The following EXOC6B variants were observed in gnomAD, a reference collection of about 807,000 sequenced individuals.
EXOC6B encodes exocyst complex component 6B.
EXOC6B carries 54 observed loss-of-function variants against 113.5 expected under a neutral mutation model. That is an observed-to-expected ratio of 0.48 (90% CI 0.38 to 0.60). The LOEUF (loss-of-function observed/expected upper bound fraction) is 0.60, where lower values mean the gene tolerates loss of function less well. Ranked by LOEUF, EXOC6B falls within the 20% of genes least tolerant of loss-of-function variation. The pLI is 0.00. For missense variants in EXOC6B, 797 were observed against 977.5 expected (o/e 0.82, Z 2.46); for synonymous variants, 357 against 339.0 (o/e 1.05, Z -0.58).
chr2:72,519,539 T>C (rs1701383238), intron 8 of EXOC6B, among the ~76,000 whole-genome samples: 1 of 152,158 alleles, frequency 6.6e-6, no homozygotes. Context: ...AACATGTCCT[T>C]AAGCAGAAAC....
chr2:72,471,941 A>G (rs1007664276), intron 17 of EXOC6B, among the ~76,000 whole-genome samples: 1 of 152,152 alleles, frequency 6.6e-6, no homozygotes, highest in African/African-American at 2.4e-5. Flanking sequence ...AGGGATGTTG[A>G]ATTTTATCAA....
intron 18 of EXOC6B, among the ~76,000 whole-genome samples, chr2:72,406,742 G>C (rs543884533): frequency 6.6e-6 from 1 of 152,136 alleles, no homozygotes; most frequent in African/African-American, 2.4e-5. Context: ...ATGCCCACAA[G>C]AGAAAGCAGG....
At chr2:72,303,410 ATTTC>A (rs1225592951) in intron 20 of EXOC6B, among the ~76,000 whole-genome samples, 31 of 152,068 alleles carry the variant, frequency 2.0e-4, no homozygotes, top group African/African-American at 6.0e-4. Context: ...ATAATCCCAT[ATTTC>A]ATGGAGGTTT....
At chr2:72,497,643 T>C (rs1008191699) in intron 13 of EXOC6B, among the ~76,000 whole-genome samples, 16 of 152,090 alleles carry the variant, frequency 1.1e-4, no homozygotes, top group African/African-American at 3.9e-4. Context: ...TACAGATAAA[T>C]TGGACTAAGT....
chr2:72,401,524 CATATATATATATATATATATGTGTATAT>C (rs1558630320), intron 18 of EXOC6B, among the ~76,000 whole-genome samples: 3 of 29,714 alleles, frequency 1.0e-4, no homozygotes, highest in African/African-American at 7.9e-4. Flanking sequence ...TACATATATA[CATATATATATATATATATATGTGTATAT>C]ATATATATAT....
intron 18 of EXOC6B, among the ~76,000 whole-genome samples, chr2:72,409,295 G>T (rs183291548): frequency 2.0e-5 from 3 of 152,208 alleles, no homozygotes; most frequent in Non-Finnish European, 4.4e-5. Flanking sequence ...CAACCATTGT[G>T]GCAGTCAGTG....
chr2:72,513,137 G>A lies in EXOC6B; in HGVS notation c.1162C>T (p.His388Tyr). ...LSKTIAALRT[H>Y]SSYCSDPNLV... ...CCCTTGGGCTTCTTACATACCGAGT[G>A]GGTACGGAGTGCTGCGATGGTTTTT... The change falls in exon 11 of 22, where the codon CAC (histidine) becomes TAC (tyrosine). Residue 388 changes from histidine to tyrosine, a missense_variant. Physicochemically the swap from His to Tyr is moderately conservative, Grantham distance 83 (BLOSUM62 2). Coordinates refer to ENST00000272427, the MANE Select transcript of EXOC6B (RefSeq NM_015189.3). 6.2e-7 allele frequency: 1 copy of A among 1,612,994 alleles called. No individual in the cohort carries two copies. The highest frequency in any genetic ancestry group is 8.5e-7 in the Non-Finnish European group (1 of 1,179,268).
chr2:72,448,298 T>G (rs1696705577), intron 18 of EXOC6B, among the ~76,000 whole-genome samples: 3 of 152,184 alleles, frequency 2.0e-5, no homozygotes, highest in Non-Finnish European at 2.9e-5. Context: ...CCTCTTCATC[T>G]TTTTGAAGAA....
intron 1 of EXOC6B, among the ~76,000 whole-genome samples, chr2:72,792,360 C>G (rs935425033): frequency 2.0e-5 from 3 of 152,128 alleles, no homozygotes; most frequent in Admixed American, 2.0e-4. Flanking sequence ...CTAACTGAAT[C>G]TAGTTTTGGG....
intron 20 of EXOC6B, among the ~76,000 whole-genome samples, chr2:72,185,897 C>A (rs555364804): frequency 6.6e-6 from 1 of 151,866 alleles, no homozygotes; most frequent in Non-Finnish European, 1.5e-5. Context: ...CCCCCTCCCC[C>A]CAACCCCACG....
intron 20 of EXOC6B, among the ~76,000 whole-genome samples, chr2:72,296,693 G>A (rs1686157339): frequency 6.6e-6 from 1 of 152,174 alleles, no homozygotes; most frequent in South Asian, 2.1e-4. Context: ...TGTCAAGGAG[G>A]AGAGAAGAGT....
At chr2:72,500,041 T>C (rs1700240287) in intron 11 of EXOC6B, 69 bp from the exon 12 acceptor site, 1 of 1,075,154 alleles carries the variant, frequency 9.3e-7, no homozygotes, top group Admixed American at 2.1e-5. Flanking sequence ...TTTTTATTTA[T>C]TTAATTGTTT....
At chr2:72,507,504 T>C (rs951388600) in intron 11 of EXOC6B, among the ~76,000 whole-genome samples, 8 of 152,016 alleles carry the variant, frequency 5.3e-5, no homozygotes, top group African/African-American at 1.9e-4. Flanking sequence ...ACTTTGGAAA[T>C]TTTCTTTACT....
intron 1 of EXOC6B, among the ~76,000 whole-genome samples, chr2:72,815,499 AAAAAAAG>A (rs927740719): frequency 1.5e-4 from 22 of 149,020 alleles, no homozygotes; most frequent in Middle Eastern, 3.4e-3. Flanking sequence ...TTCAAAAAAA[AAAAAAAG>A]AAAAAAGAAA....
intron 20 of EXOC6B, among the ~76,000 whole-genome samples, chr2:72,330,430 A>G (rs1002634276): frequency 2.0e-5 from 3 of 152,118 alleles, no homozygotes; most frequent in African/African-American, 7.2e-5. Context: ...AGATCAGCCT[A>G]ATACTTAAAA....
intron 18 of EXOC6B, among the ~76,000 whole-genome samples, chr2:72,450,508 A>C (rs550032333): frequency 6.6e-6 from 1 of 152,286 alleles, no homozygotes; most frequent in Non-Finnish European, 1.5e-5. Flanking sequence ...AACTAATATC[A>C]AAAGAGAGTC....
intron 7 of EXOC6B, among the ~76,000 whole-genome samples, chr2:72,561,389 T>A (rs1455394321): frequency 1.3e-5 from 2 of 152,196 alleles, no homozygotes; most frequent in East Asian, 3.8e-4. Context: ...CTTTGTTACA[T>A]ATTTACAAAA....
At chr2:72,475,735 C>T (rs1483525967) in intron 17 of EXOC6B, among the ~76,000 whole-genome samples, 1 of 152,130 alleles carries the variant, frequency 6.6e-6, no homozygotes, top group African/African-American at 2.4e-5. Flanking sequence ...GAGGGCAGTG[C>T]CACCTTCAGT....
intron 19 of EXOC6B, among the ~76,000 whole-genome samples, chr2:72,359,778 T>C (rs1054528578): frequency 3.3e-5 from 5 of 152,184 alleles, no homozygotes; most frequent in Non-Finnish European, 7.3e-5. Flanking sequence ...AACATGATTC[T>C]CAATGCTGAA....
Sources: allele counts gnomAD v4.1 joint callset (sites outside exome capture counted in the v4.1 genomes callset), GRCh38; gene constraint gnomAD v4.1.1; transcripts MANE v1.5; gene names NCBI Gene and HGNC (gene_info 2026-07-23, HGNC 2026-07-21).